MYPN: variants seen among roughly 807,000 people sequenced by gnomAD.
MYPN encodes myopalladin, also known as sarcomeric protein myopalladin, 145 kDa (MYOP).
A neutral mutation model predicts 129.4 loss-of-function variants in MYPN; 63 were observed. That is an observed-to-expected ratio of 0.49 (90% confidence interval 0.40 to 0.60). The LOEUF is 0.60. Among genes scored for constraint, MYPN ranks in the 20% least tolerant of loss-of-function variants. The pLI, the probability that MYPN is intolerant of heterozygous loss-of-function variation, is 0.00. For missense variants in MYPN, 1,596 were observed against 1,635.4 expected (o/e 0.98, Z 0.42); for synonymous variants, 629 against 600.9 (o/e 1.05, Z -0.68).
In MYPN at chr10:68,145,667, A is replaced by G. The variant is rs936497922; in HGVS notation, c.1130+141A>G. ...AAAATAAATAAATAAACAAACAAACAAACAAACAAATTGAGTGGATTTGAA... is the reference window on the plus strand; with the variant it reads ...AAAATAAATAAATAAACAAACAAACGAACAAACAAATTGAGTGGATTTGAA... On this transcript the variant is annotated intron_variant, in intron 4 of 19. Transcript: ENST00000358913. The G allele has an allele frequency of 8.3e-6, 6 of 719,600 alleles. No homozygotes were observed. The African/African-American group carries it at 1.1e-4, about 13-fold the overall frequency. 44.6% of individuals were successfully genotyped at this position (719,600 alleles called of 1,614,324 possible).
intron 12 of MYPN, among the ~76,000 whole-genome samples, chr10:68,185,720 T>G (rs983056776): frequency 2.6e-5 from 4 of 152,206 alleles, no homozygotes; most frequent in Admixed American, 6.5e-5. Flanking sequence ...ATAAAATGAT[T>G]TATTGGTTTA....
At chr10:68,203,695 A>G (rs1003935416) in intron 18 of MYPN, among the ~76,000 whole-genome samples, 1 of 33,008 alleles carries the variant, frequency 3.0e-5, no homozygotes, top group African/African-American at 4.9e-5. Context: ...GCACGCACAC[A>G]CACACACACA....
chr10:68,094,321 A>G (rs2041945308), intron 1 of MYPN, among the ~76,000 whole-genome samples: 2 of 151,544 alleles, frequency 1.3e-5, no homozygotes, highest in South Asian at 4.2e-4. Context: ...CTGGAGTGCA[A>G]TGGCGCTATC....
At chr10:68,104,046 G>A (rs1338900842), upstream of MYPN, among the ~76,000 whole-genome samples, 1 of 152,174 alleles carries the variant, frequency 6.6e-6, no homozygotes, top group Admixed American at 6.5e-5. Context: ...CTTCTTTAAG[G>A]CGTAATTTCC....
chr10:68,149,978 G>C (rs1050567084), intron 5 of MYPN, 62 bp from the exon 6 acceptor site: 1 of 1,437,824 alleles, frequency 7.0e-7, no homozygotes. Flanking sequence ...GGTTTGTTAT[G>C]TCTCACTATC....
chr10:68,101,362 A>C (rs1015414003), upstream of MYPN, among the ~76,000 whole-genome samples: 1 of 152,222 alleles, frequency 6.6e-6, no homozygotes, highest in Admixed American at 6.5e-5. Flanking sequence ...GAAGAGTGGC[A>C]GGTAAGACCA....
chr10:68,150,326 C>G (rs1056943505), intron 6 of MYPN, among the ~76,000 whole-genome samples: 4 of 152,134 alleles, frequency 2.6e-5, no homozygotes, highest in African/African-American at 9.7e-5. Context: ...TTCCCTCTTA[C>G]CACACTAATC....
chr10:68,166,351 T>C lies in MYPN; in HGVS notation c.1658T>C (p.Leu553Pro). Residue 553 changes from leucine to proline, a missense_variant, in exon 10 of 20, where the codon CTG becomes CCG. Transcript: ENST00000358913. ...SLHSANSTTNLAAIEPQPSPP... is the reference protein window; with the variant it reads ...SLHSANSTTNPAAIEPQPSPP... ...CACTCAGCCAACTCTACCACCAACC[T>C]GGCAGCTATTGAGCCACAGCCCTCC... 1 of 1,614,032 alleles carries C rather than the reference T, an allele frequency of 6.2e-7. No homozygotes were observed. Among genetic ancestry groups the C allele is most frequent in the Admixed American group, 1.7e-5 (1 of 60,010 alleles).
chr10:68,178,618 C>T (rs1156587701), intron 12 of MYPN, among the ~76,000 whole-genome samples: 1 of 149,472 alleles, frequency 6.7e-6, no homozygotes, highest in Non-Finnish European at 1.5e-5. Flanking sequence ...GAGGCTGAAG[C>T]AGGAGAATCA....
At chr10:68,204,664 GC>G (rs1199270488) in intron 18 of MYPN, among the ~76,000 whole-genome samples, 2 of 145,392 alleles carry the variant, frequency 1.4e-5, no homozygotes, top group Non-Finnish European at 3.0e-5. Flanking sequence ...GTTGCACTGA[GC>G]TGAGATCACA....
intron 6 of MYPN, among the ~76,000 whole-genome samples, chr10:68,154,560 C>A (rs1200376562): frequency 6.6e-6 from 1 of 152,206 alleles, no homozygotes; most frequent in Non-Finnish European, 1.5e-5. Context: ...TTGTGACAGT[C>A]AAGGGGCAAA....
intron 19 of MYPN, 106 bp downstream of exon 19, chr10:68,207,009 G>C: frequency 7.0e-7 from 1 of 1,433,616 alleles, no homozygotes; most frequent in South Asian, 1.2e-5. Context: ...TGTAATCCCA[G>C]CACTTTGGGA....
At chr10:68,136,772 TA>T (rs2042493589) in intron 2 of MYPN, 7 of 1,513,160 alleles carry the variant, frequency 4.6e-6, no homozygotes, top group Non-Finnish European at 5.3e-6. Flanking sequence ...TAGATAATCC[TA>T]TAATGTTTGT....
chr10:68,164,225 T>C (rs2043021768), intron 8 of MYPN, among the ~76,000 whole-genome samples: 1 of 152,152 alleles, frequency 6.6e-6, no homozygotes, highest in Non-Finnish European at 1.5e-5. Context: ...CTGCATCTGG[T>C]GAGGGCCTTC....
chr10:68,145,265 C>A (rs147704904), intron 3 of MYPN, among the ~76,000 whole-genome samples: 9 of 152,118 alleles, frequency 5.9e-5, no homozygotes, highest in African/African-American at 1.9e-4. Context: ...CTCAGGTGAT[C>A]CACCCCCCTC....
At chr10:68,139,350 G>T (rs1271723349) in intron 2 of MYPN, among the ~76,000 whole-genome samples, 1 of 152,090 alleles carries the variant, frequency 6.6e-6, no homozygotes, top group Non-Finnish European at 1.5e-5. Flanking sequence ...GTGGGCACTT[G>T]GTTTCCACAT....
chr10:68,172,239 C>T (rs2043155444), intron 10 of MYPN, among the ~76,000 whole-genome samples: 1 of 152,076 alleles, frequency 6.6e-6, no homozygotes, highest in African/African-American at 2.4e-5. Flanking sequence ...CCTGTGGTCC[C>T]AGCTACTTGG....
intron 2 of MYPN, among the ~76,000 whole-genome samples, chr10:68,141,635 C>G (rs1473839943): frequency 6.6e-6 from 1 of 152,162 alleles, no homozygotes; most frequent in African/African-American, 2.4e-5. Flanking sequence ...CCCTTCGCCC[C>G]TAATAGCCGC....
chr10:68,174,596 C>T lies in MYPN; in HGVS notation c.2504C>T (p.Pro835Leu). ...GTGGCTTTCCTCAGCTCTGTTCTGC[C>T]TTCTCTCCCTGCCATCCCACCCACA... ...NPVAFLSSVL[P>L]SLPAIPPTNA... The change falls in exon 11 of 20, where the codon CCT (proline) becomes CTT (leucine). Residue 835 changes from proline to leucine, a missense_variant. Pro to Leu is a moderately conservative substitution (Grantham distance 98). Transcript: ENST00000358913. 1 of 1,614,212 alleles carries T rather than the reference C, an allele frequency of 6.2e-7. No homozygotes were observed. The highest frequency in any genetic ancestry group is 8.5e-7 in the Non-Finnish European group (1 of 1,180,034).
Sources: allele counts gnomAD v4.1 joint callset (sites outside exome capture counted in the v4.1 genomes callset), GRCh38; gene constraint gnomAD v4.1.1; transcripts MANE v1.5; gene names NCBI Gene and HGNC (gene_info 2026-07-23, HGNC 2026-07-21).